Variants in STPG2 observed in about 807,000 individuals in gnomAD.
STPG2 encodes the protein sperm tail PG-rich repeat containing 2.
STPG2 carries 56 observed loss-of-function variants against 54.2 expected under a neutral mutation model. The observed-to-expected ratio is 1.03, with a 90% CI of 0.83 to 1.29. The LOEUF is 1.29. STPG2 is among the 50% of genes most tolerant of loss of function. The pLI is 0.00. For missense variants in STPG2, 596 were observed against 544.9 expected (o/e 1.09, Z -0.93); for synonymous variants, 200 against 181.8 (o/e 1.10, Z -0.81).
intron 4 of STPG2, among the ~76,000 whole-genome samples, chr4:97,553,528 A>T (rs536774926): frequency 3.0e-4 from 46 of 152,278 alleles, no homozygotes; most frequent in African/African-American, 1.1e-3. Context: ...ATCATTTATG[A>T]GTCTCCTTTT....
chr4:97,712,721 G>A lies in STPG2; in HGVS notation c.1298C>T (p.Thr433Ile). The A allele has an allele frequency of 6.3e-7, 1 of 1,596,922 alleles. No individual in the cohort carries two copies. Among genetic ancestry groups the A allele is most frequent in the Non-Finnish European group, 8.5e-7 (1 of 1,170,590 alleles). ...SKRFEESKEI[T>I]PGPATYEISQ... Reference sequence around the variant, plus strand: ...AACCTCATATGTTGCTGGGCCTGGAGTAATCTCTTTGGACTCTTCAAAGCG... The same window carrying A: ...AACCTCATATGTTGCTGGGCCTGGAATAATCTCTTTGGACTCTTCAAAGCG... Residue 433 changes from threonine to isoleucine, a missense_variant, in exon 10 of 11, where the codon ACT (threonine) becomes ATT (isoleucine). Physicochemically the swap from Thr to Ile is moderately conservative, Grantham distance 89. Coordinates refer to ENST00000295268, the MANE Select transcript of STPG2 (RefSeq NM_174952.3).
intron 8 of STPG2, among the ~76,000 whole-genome samples, chr4:97,906,728 A>G (rs1731440764): frequency 6.6e-6 from 1 of 152,018 alleles, no homozygotes; most frequent in Non-Finnish European, 1.5e-5. Context: ...AAATCAATAA[A>G]TGTAATCCAG....
chr4:98,000,573 G>C (rs1735382470), intron 5 of STPG2, among the ~76,000 whole-genome samples: 1 of 151,958 alleles, frequency 6.6e-6, no homozygotes, highest in Non-Finnish European at 1.5e-5. Flanking sequence ...CGTAAATTTT[G>C]GTTAATTTAG....
chr4:97,605,085 T>G lies in STPG2; in HGVS notation c.1321-45968A>C, dbSNP rs371383494. On this transcript the variant is annotated intron_variant, in intron 10 of 10. Coordinates refer to ENST00000295268, the MANE Select transcript of STPG2 (RefSeq NM_174952.3). ...AACCCATTAAAGAACAATGCTTAAT[T>G]CTATCATGTATGCATTTACTTAGTT... Among the ~76,000 whole-genome samples the G allele has an allele frequency of 7.9e-5, 12 of 151,908 alleles. No individual in the cohort carries two copies. In the East Asian group the frequency reaches 1.7e-3, roughly 22 times the overall value.
chr4:97,494,125 A>C (rs1422687283), intron 4 of STPG2, among the ~76,000 whole-genome samples: 1 of 151,540 alleles, frequency 6.6e-6, no homozygotes, highest in Non-Finnish European at 1.5e-5. Flanking sequence ...GGGGGTATGA[A>C]TTATGTCAAA....
chr4:97,502,540 T>C (rs576716167), intron 4 of STPG2, among the ~76,000 whole-genome samples: 5 of 152,094 alleles, frequency 3.3e-5, no homozygotes, highest in Middle Eastern at 3.4e-3. Flanking sequence ...CTTGGATGGC[T>C]AAAAAGCAAA....
intron 7 of STPG2, among the ~76,000 whole-genome samples, chr4:97,946,839 T>G (rs1322763707): frequency 2.3e-5 from 3 of 132,388 alleles, no homozygotes; most frequent in Non-Finnish European, 5.4e-5. Flanking sequence ...GCCTCCAGAT[T>G]TGTTCTTTTA....
At chr4:97,960,326 A>G (rs1052311288) in intron 7 of STPG2, among the ~76,000 whole-genome samples, 8 of 152,198 alleles carry the variant, frequency 5.3e-5, no homozygotes, top group African/African-American at 1.2e-4. Flanking sequence ...TCTATTCAAC[A>G]TAGTACTGGA....
Position 98,134,506 on chromosome 4 carries a change from G to A in STPG2, c.110-47C>T, listed in dbSNP as rs189743072. On this transcript the variant is annotated intron_variant, in intron 1 of 10. Transcript: ENST00000295268. Reference sequence around the variant, plus strand: ...ACCAGCAGATAAGATAAGAGTCCAAGGATTTCAGAGAAAAACGCTCAAAAT... The same window carrying A: ...ACCAGCAGATAAGATAAGAGTCCAAAGATTTCAGAGAAAAACGCTCAAAAT... 2.1e-4 allele frequency: 251 copies of A among 1,209,026 alleles called. No homozygotes were observed. In the African/African-American group the frequency reaches 3.1e-3, roughly 15 times the overall value. 74.9% of individuals were successfully genotyped at this position (1,209,026 alleles called of 1,614,324 possible).
intron 8 of STPG2, among the ~76,000 whole-genome samples, chr4:97,912,410 C>T (rs1731715384): frequency 6.6e-6 from 1 of 152,148 alleles, no homozygotes; most frequent in African/African-American, 2.4e-5. Context: ...CACAAAGAAG[C>T]TAACAATCAA....
chr4:97,712,659 C>A (rs745489062), intron 10 of STPG2, 40 bp downstream of exon 10: 2 of 1,364,476 alleles, frequency 1.5e-6, no homozygotes, highest in Admixed American at 2.3e-5. Context: ...GAAATTAATT[C>A]TATTCTTGTG....
At chr4:97,612,270 A>C (rs1020016133) in intron 10 of STPG2, among the ~76,000 whole-genome samples, 13 of 151,728 alleles carry the variant, frequency 8.6e-5, no homozygotes, top group African/African-American at 2.2e-4. Flanking sequence ...ACAAAAAAAA[A>C]CACAACATGC....
At chr4:97,687,560 G>A (rs570588877) in intron 10 of STPG2, among the ~76,000 whole-genome samples, 156 of 150,888 alleles carry the variant, frequency 1.0e-3, no homozygotes, top group Middle Eastern at 3.6e-3. Flanking sequence ...AGCTGGTCTC[G>A]AACTCCTGAC....
intron 5 of STPG2, among the ~76,000 whole-genome samples, chr4:98,017,699 G>C (rs1320025278): frequency 6.6e-6 from 1 of 152,156 alleles, no homozygotes; most frequent in African/African-American, 2.4e-5. Flanking sequence ...GATATGGTTT[G>C]GCTCTGTCCC....
intron 8 of STPG2, among the ~76,000 whole-genome samples, chr4:97,865,275 G>A (rs1251851399): frequency 1.3e-5 from 2 of 152,148 alleles, no homozygotes; most frequent in East Asian, 3.9e-4. Flanking sequence ...ATCAAAAAGT[G>A]GACAAAGGAT....
At chr4:97,815,811 C>T (rs538801907) in intron 9 of STPG2, among the ~76,000 whole-genome samples, 10 of 152,234 alleles carry the variant, frequency 6.6e-5, no homozygotes, top group Non-Finnish European at 1.3e-4. Context: ...GCCAAGCTGA[C>T]AAGAGGTAGA....
intron 10 of STPG2, among the ~76,000 whole-genome samples, chr4:97,574,514 G>C (rs1340951692): frequency 1.3e-5 from 2 of 152,002 alleles, no homozygotes; most frequent in Non-Finnish European, 1.5e-5. Context: ...ACTCAGCAAG[G>C]CTTGCTTGTT....
intron 10 of STPG2, among the ~76,000 whole-genome samples, chr4:97,644,598 C>G (rs1721857858): frequency 6.6e-6 from 1 of 151,966 alleles, no homozygotes; most frequent in Admixed American, 6.6e-5. Context: ...TCGCATGGCT[C>G]TAACCACTCA....
chr4:97,694,029 G>A (rs1817221), intron 10 of STPG2, among the ~76,000 whole-genome samples: 89,369 of 151,790 alleles, frequency 0.59, 26,610 homozygotes, highest in South Asian at 0.68. Flanking sequence ...TGAAAAGAAA[G>A]TTCATAGCAT....
Sources: gnomAD v4.1 joint callset for allele counts (sites outside exome capture counted in the v4.1 genomes callset) on GRCh38, gnomAD v4.1.1 for gene constraint, MANE v1.5 for transcripts, NCBI Gene and HGNC (gene_info 2026-07-23, HGNC 2026-07-21) for gene names.